ZNF546: variants seen among roughly 807,000 people sequenced by gnomAD.
ZNF546 encodes the protein zinc finger protein 546, also known as CTC-471F3.6.
In ZNF546, 60 loss-of-function variants were observed where a neutral mutation model predicts 76.2. The observed-to-expected ratio is 0.79, with a 90% confidence interval of 0.64 to 0.98. The LOEUF is 0.98. Ranked by LOEUF, ZNF546 falls within the 50% of genes least tolerant of loss-of-function variation. ZNF546 has a pLI of 0.00. For missense variants in ZNF546, 936 were observed against 1,035.6 expected, an observed-to-expected ratio of 0.90 and a Z score of 1.32; for synonymous variants, 277 against 328.1, an observed-to-expected ratio of 0.84 and a Z score of 1.68.
intron 3 of ZNF546, among the ~76,000 whole-genome samples, chr19:40,002,698 C>CTTT (rs34367306): frequency 1.3e-4 from 18 of 140,252 alleles, no homozygotes; most frequent in African/African-American, 3.7e-4. Flanking sequence ...GGGAAACTAA[C>CTTT]TTTTTTTTTT....
At position 40,008,570 on chromosome 19, in the gene ZNF546, G is replaced by A; in HGVS notation, c.394+5G>A. 1 of 1,610,484 alleles carries A rather than the reference G, an allele frequency of 6.2e-7. No individual in the cohort carries two copies. The highest frequency in any genetic ancestry group is 8.5e-7 in the Non-Finnish European group (1 of 1,177,196). ...GGACAAGGAATTGGTTCACAGGTGA[G>A]TGACAGCAAATTAGGCGGGAGGGTG... On this transcript the variant is annotated splice_donor_5th_base_variant and intron_variant, in intron 6 of 6. Coordinates refer to ENST00000347077, the MANE Select transcript of ZNF546 (RefSeq NM_178544.5).
chr19:40,009,840 T>C (rs906065099), intron 6 of ZNF546, among the ~76,000 whole-genome samples: 1 of 151,892 alleles, frequency 6.6e-6, no homozygotes, highest in African/African-American at 2.4e-5. Flanking sequence ...TGTTGCTATA[T>C]GTATCAGTAC....
rs1377499974 is a variant in ZNF546 at position 40,014,348 on chromosome 19, A to T, written c.1078A>T (p.Lys360Ter). ...TACTGGTGAGAGGCCTTATGAATGT[A>T]AGGTTTGTGGCAAGACCTTTAGGGT... is the stretch of plus-strand genomic sequence containing the variant. ...IHTGERPYEC[K>*]VCGKTFRVQR... Residue 360 changes from lysine (K) to a stop codon, truncating the protein, a stop_gained, in exon 7 of 7, where the codon AAG becomes TAG. Transcript: ENST00000347077. LOFTEE classifies it high-confidence loss of function. The T allele has an allele frequency of 7.4e-6, 12 of 1,613,964 alleles. No individual in the cohort carries two copies. Among genetic ancestry groups the T allele is most frequent in the Non-Finnish European group, 9.3e-6 (11 of 1,180,006 alleles).
In ZNF546 at chr19:40,014,932, A is replaced by C. The variant is rs1971735969; in HGVS notation, c.1662A>C (p.Glu554Asp). 21 of 1,614,046 alleles carry C rather than the reference A, an allele frequency of 1.3e-5. No individual in the cohort carries two copies. Among genetic ancestry groups the C allele is most frequent in the Non-Finnish European group, 1.8e-5 (21 of 1,180,028 alleles). Residue 554 changes from glutamate to aspartate, a missense_variant, in exon 7 of 7, where the codon GAA becomes GAC. Coordinates refer to ENST00000347077, the MANE Select transcript of ZNF546 (RefSeq NM_178544.5). The stretch of plus-strand genomic sequence containing the variant: ...TTCATACATGTGAGAAACCCTATGA[A>C]TGTAAGGAATGTGGGAAGGCTTTTA... ...HRIHTCEKPY[E>D]CKECGKAFIH...
chr19:40,007,357 CAAG>C lies in ZNF546; in HGVS notation c.256_258del (p.Lys86del), dbSNP rs1434225600. 2 of 1,604,878 alleles carry C rather than the reference CAAG, an allele frequency of 1.2e-6. No individual in the cohort carries two copies. The highest frequency in any genetic ancestry group is 2.7e-5 in the African/African-American group (2 of 74,544). ...TGGACGCTGTGCAGAGGGACTTGTA[CAAG>C]GATGTGATGTTGGAGAACTACAGCA... On this transcript the variant is annotated inframe_deletion, in exon 5 of 7. Coordinates refer to ENST00000347077, the MANE Select transcript of ZNF546 (RefSeq NM_178544.5).
chr19:40,018,432 G>A lies in ZNF546; in HGVS notation c.*2651G>A, dbSNP rs1971809294. On this transcript the variant is annotated 3_prime_UTR_variant, in exon 7 of 7. Coordinates refer to ENST00000347077, the MANE Select transcript of ZNF546 (RefSeq NM_178544.5). ...TGTAACCCATTAGGTGGCATACAATGTCATTATACCACTATGGTATCCTTA... is the reference window on the plus strand; with the variant it reads ...TGTAACCCATTAGGTGGCATACAATATCATTATACCACTATGGTATCCTTA... 1.3e-5 allele frequency: 2 copies of A among 152,338 alleles called. No individual in the cohort carries two copies. The highest frequency in any genetic ancestry group is 6.5e-5 in the Admixed American group (1 of 15,304). 9.4% of individuals were successfully genotyped at this position (152,338 alleles called of 1,614,324 possible).
At position 40,014,903 on chromosome 19, in the gene ZNF546, A is replaced by G; in HGVS notation, c.1633A>G (p.Arg545Gly). Residue 545 changes from arginine to glycine, a missense_variant, in exon 7 of 7, where the codon AGA becomes GGA. Arg to Gly is a moderately radical substitution (Grantham distance 125, BLOSUM62 -2). Coordinates refer to ENST00000347077, the MANE Select transcript of ZNF546 (RefSeq NM_178544.5). Reference protein sequence around the residue: ...RLQGELTRHHRIHTCEKPYEC... With the variant: ...RLQGELTRHHGIHTCEKPYEC... ...TCAAGGAGAACTTACCCGACATCAC[A>G]GAATTCATACATGTGAGAAACCCTA... The G allele has an allele frequency of 6.2e-7, 1 of 1,614,048 alleles. No individual in the cohort carries two copies. Among genetic ancestry groups the G allele is most frequent in the Admixed American group, 1.7e-5 (1 of 60,016 alleles).
Position 40,006,126 on chromosome 19 carries a change from A to G in ZNF546, c.115A>G (p.Met39Val), listed in dbSNP as rs1173165330. The G allele has an allele frequency of 1.2e-6, 2 of 1,613,818 alleles. No homozygotes were observed. The highest frequency in any genetic ancestry group is 1.7e-6 in the Non-Finnish European group (2 of 1,179,974). Residue 39 changes from methionine (M) to valine (V), a missense_variant, in exon 4 of 7, where the codon ATG (methionine) becomes GTG (valine). Physicochemically the swap from Met to Val is conservative, Grantham distance 21. Coordinates refer to ENST00000347077, the MANE Select transcript of ZNF546 (RefSeq NM_178544.5). ...GTTTCTCTGGATTCTGTGCTTCTCC[A>G]TGGAGGAAACTCAAGGAGAACTGAC... The part of the protein sequence containing the change: ...PRFLWILCFS[M>V]EETQGELTSS...
intron 5 of ZNF546, among the ~76,000 whole-genome samples, chr19:40,008,031 A>G (rs1235797011): frequency 6.6e-6 from 1 of 152,252 alleles, no homozygotes; most frequent in Non-Finnish European, 1.5e-5. Context: ...GGCATATTAT[A>G]TGCCTTTGCA....
chr19:40,014,831 G>A lies in ZNF546; in HGVS notation c.1561G>A (p.Gly521Ser). The change falls in exon 7 of 7, where the codon GGT (glycine) becomes AGT (serine). Residue 521 changes from glycine (G) to serine (S), a missense_variant. Transcript: ENST00000347077. The stretch of plus-strand genomic sequence containing the variant: ...CACTCAACACTACAGAATTCATACT[G>A]GTGAGAAACCCTACATATGTAACGA... ...HLTQHYRIHTGEKPYICNECG... is the reference protein window; with the variant it reads ...HLTQHYRIHTSEKPYICNECG... 1 of 1,613,848 alleles carries A rather than the reference G, an allele frequency of 6.2e-7. No homozygotes were observed. Among genetic ancestry groups the A allele is most frequent in the Non-Finnish European group, 8.5e-7 (1 of 1,179,984 alleles).
chr19:40,015,171 A>G lies in ZNF546; in HGVS notation c.1901A>G (p.Glu634Gly). The change falls in exon 7 of 7, where the codon GAA (glutamate) becomes GGA (glycine). Residue 634 changes from glutamate to glycine, a missense_variant. Transcript: ENST00000347077. ...LTQHHRIHTG[E>G]KPYKCTECGK... ...CAGCATCACAGAATTCATACTGGTG[A>G]AAAACCCTATAAATGTACAGAATGT... The G allele has an allele frequency of 6.2e-7, 1 of 1,614,102 alleles. No homozygotes were observed. The highest frequency in any genetic ancestry group is 1.7e-4 in the Middle Eastern group (1 of 6,054).
At chr19:40,006,058 A>G (rs1971597988) in intron 3 of ZNF546, 38 bp from the exon 4 acceptor site, 1 of 1,564,190 alleles carries the variant, frequency 6.4e-7, no homozygotes, top group Non-Finnish European at 8.8e-7. Context: ...GAGTTTTGAC[A>G]CACATCTGGT....
rs376233958 is a variant in ZNF546, at chr19:40,008,395, C to A, written c.299-75C>A. ...CAGTTTCTTACAAATGTAACCAAGT[C>A]TGAATTGTCATTTCAAGGTTATGGT... On this transcript the variant is annotated intron_variant, in intron 5 of 6. Transcript: ENST00000347077. The A allele has an allele frequency of 2.2e-4, 255 of 1,141,776 alleles. 3 individuals are homozygous for A. The South Asian group carries it at 4.0e-3, about 18-fold the overall frequency. 70.7% of individuals were successfully genotyped at this position (1,141,776 alleles called of 1,614,324 possible).
intron 6 of ZNF546, among the ~76,000 whole-genome samples, chr19:40,012,938 C>T (rs1176098277): frequency 6.6e-5 from 10 of 151,926 alleles, no homozygotes; most frequent in African/African-American, 1.9e-4. Context: ...CTCAGCCTCC[C>T]GAGTAGCTGG....
intron 3 of ZNF546, among the ~76,000 whole-genome samples, chr19:40,004,114 A>G (rs966794833): frequency 3.6e-5 from 5 of 138,408 alleles, no homozygotes; most frequent in African/African-American, 1.5e-4. Flanking sequence ...TATATTATAT[A>G]TATAACTATA....
rs376132356 is a variant in ZNF546 at position 40,014,892 on chromosome 19, C to T, written c.1622C>T (p.Thr541Ile). Residue 541 changes from threonine to isoleucine, a missense_variant, in exon 7 of 7, where the codon ACC becomes ATC. Physicochemically the swap from Thr to Ile is moderately conservative, Grantham distance 89. Transcript: ENST00000347077. ...GCCTTTCGTCTTCAAGGAGAACTTA[C>T]CCGACATCACAGAATTCATACATGT... ...GKAFRLQGEL[T>I]RHHRIHTCEK... is the part of the protein sequence containing the mutation. 1.2e-6 allele frequency: 2 copies of T among 1,602,314 alleles called. No individual in the cohort carries two copies.
Position 40,014,426 on chromosome 19 carries a change from AAATGT to A in ZNF546, c.1161_1165del (p.Cys387Ter), listed in dbSNP as rs1337839802. ...AATTCATACTGGTGTCAAACCCTAT[AAATGT>A]AATGAATGTGGGAAGGCCTTTAGTC... On this transcript the variant is annotated frameshift_variant, in exon 7 of 7. Transcript: ENST00000347077. LOFTEE classifies it high-confidence loss of function. The A allele has an allele frequency of 1.2e-6, 2 of 1,612,486 alleles. No individual in the cohort carries two copies.
chr19:40,008,543 A>G lies in ZNF546; in HGVS notation c.372A>G (p.Glu124=). The change falls in exon 6 of 7, where the codon GAA becomes GAG. Residue 124 remains glutamate (E), a synonymous_variant. Transcript: ENST00000347077. Reference sequence around the variant, plus strand: ...AAGAGCCCTGGATAGTAATGAGGGAAGGGACAAGGAATTGGTTCACAGGTG... The same window carrying G: ...AAGAGCCCTGGATAGTAATGAGGGAGGGGACAAGGAATTGGTTCACAGGTG... The part of the protein sequence containing the change: ...QEKEPWIVMR[E]GTRNWFTDLE... 4 of 1,613,210 alleles carry G rather than the reference A, an allele frequency of 2.5e-6. No homozygotes were observed. The highest frequency in any genetic ancestry group is 3.4e-6 in the Non-Finnish European group (4 of 1,179,314).
chr19:39,999,706 G>C (rs1285993866), intron 3 of ZNF546: 1 of 151,978 alleles, frequency 6.6e-6, no homozygotes, highest in African/African-American at 2.4e-5. Context: ...CTCCCGAGTA[G>C]CTGGGATTAC....
Sources: gnomAD v4.1 joint callset for allele counts (sites outside exome capture counted in the v4.1 genomes callset) on GRCh38, gnomAD v4.1.1 for gene constraint, MANE v1.5 for transcripts, NCBI Gene and HGNC (gene_info 2026-07-23, HGNC 2026-07-21) for gene names.